Variants in CNTLN observed in about 807,000 individuals in gnomAD.
CNTLN encodes centlein, centrosomal protein.
A neutral mutation model predicts 180.0 loss-of-function variants in CNTLN; 212 were observed. The ratio of observed to expected loss-of-function variants is 1.18; its 90% CI spans 1.05 to 1.32. The LOEUF (loss-of-function observed/expected upper bound fraction) is 1.32. Among genes scored for constraint, CNTLN ranks in the 40% most tolerant of loss-of-function variants. The pLI is 0.00. For missense variants in CNTLN, 2,095 were observed against 1,610.9 expected (o/e 1.30, Z -5.14); for synonymous variants, 722 against 563.1 (o/e 1.28, Z -3.99).
intron 18 of CNTLN, among the ~76,000 whole-genome samples, chr9:17,452,699 A>G (rs1319862329): frequency 6.6e-6 from 1 of 152,202 alleles, no homozygotes; most frequent in Non-Finnish European, 1.5e-5. Flanking sequence ...AGAATAAATG[A>G]TAGATATTGA....
At chr9:17,257,233 A>T (rs201363569) in intron 5 of CNTLN, among the ~76,000 whole-genome samples, 6 of 150,688 alleles carry the variant, frequency 4.0e-5, no homozygotes, top group East Asian at 2.0e-4. Flanking sequence ...GGTGTTTGGT[A>T]TTTTGTTCTT....
At chr9:17,502,455 A>G in intron 25 of CNTLN, 96 bp from the exon 26 acceptor site, 1 of 584,084 alleles carries the variant, frequency 1.7e-6, no homozygotes. Context: ...GCAAAGTTGC[A>G]GACATCTAAC....
At chr9:17,506,214 TGAA>T (rs764474283), downstream of CNTLN, among the ~76,000 whole-genome samples, 12 of 152,002 alleles carry the variant, frequency 7.9e-5, no homozygotes, top group Non-Finnish European at 1.5e-4. Flanking sequence ...TCAGATTTGG[TGAA>T]GAATTTCTAG....
chr9:17,469,690 G>C (rs1831950999), intron 23 of CNTLN, among the ~76,000 whole-genome samples: 1 of 151,728 alleles, frequency 6.6e-6, no homozygotes, highest in African/African-American at 2.4e-5. Flanking sequence ...CACCCATATT[G>C]TGCTTACTCC....
intron 13 of CNTLN, among the ~76,000 whole-genome samples, chr9:17,377,624 G>A (rs1353741654): frequency 6.6e-6 from 1 of 152,160 alleles, no homozygotes; most frequent in African/African-American, 2.4e-5. Flanking sequence ...AGCCATATTT[G>A]TAAGAACCTA....
Position 17,257,595 on chromosome 9 carries a change from A to C in CNTLN, c.850-16138A>C, listed in dbSNP as rs1053792026. 4.0e-5 allele frequency among the ~76,000 whole-genome samples: 6 copies of C among 151,464 alleles called. No individual in the cohort carries two copies. In the East Asian group the frequency reaches 9.7e-4, roughly 24 times the overall value. Reference sequence around the variant, plus strand: ...TGAATTAGTTTACAGTCCCACCAACAGTGTAAAAGTGTTCCTATTTCTCCG... The same window carrying C: ...TGAATTAGTTTACAGTCCCACCAACCGTGTAAAAGTGTTCCTATTTCTCCG... On this transcript the variant is annotated intron_variant, in intron 5 of 25. Coordinates refer to ENST00000380647, the MANE Select transcript of CNTLN (RefSeq NM_017738.4).
rs141581647 is a variant in CNTLN at position 17,478,801 on chromosome 9, G to A, written c.3856-5494G>A. ...CGACTATATTTATGGATTTATTACT[G>A]GGTTCTCTATTCTGTTCCATTGGTC... On this transcript the variant is annotated intron_variant, in intron 23 of 25. Coordinates refer to ENST00000380647, the MANE Select transcript of CNTLN (RefSeq NM_017738.4). Among the ~76,000 whole-genome samples the A allele has an allele frequency of 1.4e-3, 217 of 152,064 alleles. 1 individual carries two copies. The Middle Eastern group carries it at 0.024, about 17-fold the overall frequency.
chr9:17,341,089 G>T (rs1821446091), intron 11 of CNTLN, 141 bp downstream of exon 11: 5 of 708,520 alleles, frequency 7.1e-6, no homozygotes, highest in Non-Finnish European at 8.2e-6. Context: ...TTTAAATGGA[G>T]AATATAACAA....
intron 6 of CNTLN, among the ~76,000 whole-genome samples, chr9:17,283,066 T>C (rs1331954309): frequency 6.6e-6 from 1 of 152,240 alleles, no homozygotes; most frequent in Non-Finnish European, 1.5e-5. Flanking sequence ...GTCTTGGCTA[T>C]ACGGGCTCTT....
chr9:17,368,002 T>C (rs1346872217), intron 13 of CNTLN, among the ~76,000 whole-genome samples: 2 of 152,118 alleles, frequency 1.3e-5, no homozygotes, highest in African/African-American at 4.8e-5. Context: ...GCACCTTAGG[T>C]ACCAGCTCAT....
intron 19 of CNTLN, among the ~76,000 whole-genome samples, chr9:17,462,104 A>G (rs972128581): frequency 6.6e-5 from 10 of 151,802 alleles, no homozygotes; most frequent in African/African-American, 2.2e-4. Context: ...CTAACAAACT[A>G]TCCCGAAACA....
At chr9:17,460,725 C>T (rs1339903350) in intron 19 of CNTLN, among the ~76,000 whole-genome samples, 1 of 151,752 alleles carries the variant, frequency 6.6e-6, no homozygotes, top group Non-Finnish European at 1.5e-5. Flanking sequence ...TTTTCAGCCA[C>T]ATAATACAGC....
chr9:17,258,529 A>C lies in CNTLN; in HGVS notation c.850-15204A>C, dbSNP rs200089216. On this transcript the variant is annotated intron_variant, in intron 5 of 25. Coordinates refer to ENST00000380647, the MANE Select transcript of CNTLN (RefSeq NM_017738.4). ...ATTCTGTGAAGAAAGTCATTGGTAG[A>C]TTTATGGGGATGGCATTGAATCTGT... is the stretch of plus-strand genomic sequence containing the variant. 2.8e-4 allele frequency among the ~76,000 whole-genome samples: 42 copies of C among 150,842 alleles called. No homozygotes were observed. The South Asian group carries it at 3.8e-3, about 14-fold the overall frequency.
chr9:17,165,657 T>C (rs1820019787), intron 2 of CNTLN, among the ~76,000 whole-genome samples: 1 of 152,158 alleles, frequency 6.6e-6, no homozygotes, highest in Non-Finnish European at 1.5e-5. Context: ...AAAATTGAAA[T>C]AAGTATCTTC....
chr9:17,222,993 A>T (rs1012075211), intron 2 of CNTLN, among the ~76,000 whole-genome samples: 1 of 151,986 alleles, frequency 6.6e-6, no homozygotes, highest in African/African-American at 2.4e-5. Context: ...TGCCTTATCC[A>T]TGGGGGATAC....
chr9:17,378,682 G>A (rs763795511), intron 13 of CNTLN, among the ~76,000 whole-genome samples: 16 of 151,952 alleles, frequency 1.1e-4, no homozygotes, highest in Non-Finnish European at 1.8e-4. Context: ...TTACAATTTG[G>A]ATTCAAAATC....
At position 17,295,993 on chromosome 9, in the gene CNTLN, AGAGAGTGT is replaced by A. The variant is rs1247394954; in HGVS notation, c.984-2195_984-2188del. Among the ~76,000 whole-genome samples the A allele has an allele frequency of 6.8e-3, 547 of 81,010 alleles. 6 individuals are homozygous for A. Among genetic ancestry groups the A allele is most frequent in the East Asian group, 0.033 (98 of 2,970 alleles). 53.1% of individuals were successfully genotyped at this position (81,010 alleles called of 152,430 possible). On this transcript the variant is annotated intron_variant, in intron 6 of 25. Coordinates refer to ENST00000380647, the MANE Select transcript of CNTLN (RefSeq NM_017738.4). ...GTGAGAGAGAGAGAGAGAGAGAGAG[AGAGAGTGT>A]GTGTGTGTGTGTGTGTGTGTGTGTG...
intron 2 of CNTLN, among the ~76,000 whole-genome samples, chr9:17,172,809 C>T (rs1198676394): frequency 1.3e-5 from 2 of 152,274 alleles, no homozygotes; most frequent in Non-Finnish European, 2.9e-5. Flanking sequence ...TAAGTGTGTA[C>T]ACATTCCTTC....
At chr9:17,506,396 T>G (rs902633345), downstream of CNTLN, among the ~76,000 whole-genome samples, 1 of 152,108 alleles carries the variant, frequency 6.6e-6, no homozygotes, top group Non-Finnish European at 1.5e-5. Context: ...AACTCAACAG[T>G]AAACAACAAC....
Sources: gnomAD v4.1 joint callset for allele counts (sites outside exome capture counted in the v4.1 genomes callset) on GRCh38, gnomAD v4.1.1 for gene constraint, MANE v1.5 for transcripts, NCBI Gene and HGNC (gene_info 2026-07-23, HGNC 2026-07-21) for gene names.